The following CDKN2B-AS1 variants were observed in gnomAD, a reference collection of about 807,000 sequenced individuals.
The protein encoded by CDKN2B-AS1 is CDKN2B and CDKN2A antisense cis and trans regulatory RNA 1, also known as CDKN2B antisense RNA 1 (non-protein coding).
intron 4 of CDKN2B-AS1, among the ~76,000 whole-genome samples, chr9:22,106,559 A>C (rs1330381994): frequency 6.6e-6 from 1 of 152,292 alleles, no homozygotes; most frequent in East Asian, 1.9e-4. Context: ...TATTTGTAAA[A>C]TGAAGGTACT....
chr9:22,072,725 G>C (rs1824346234), intron 4 of CDKN2B-AS1, among the ~76,000 whole-genome samples: 1 of 152,200 alleles, frequency 6.6e-6, no homozygotes, highest in Non-Finnish European at 1.5e-5. Flanking sequence ...GCACAAGGCA[G>C]CCTAACTTGT....
intron 4 of CDKN2B-AS1, among the ~76,000 whole-genome samples, chr9:22,114,054 A>G (rs893575882): frequency 1.3e-5 from 2 of 152,182 alleles, no homozygotes; most frequent in East Asian, 1.9e-4. Flanking sequence ...ACTGATATAC[A>G]TGGTACCAAA....
intron 1 of CDKN2B-AS1, among the ~76,000 whole-genome samples, chr9:22,020,395 T>A (rs778230745): frequency 3.9e-5 from 6 of 152,238 alleles, no homozygotes; most frequent in Non-Finnish European, 8.8e-5. Context: ...GTATACCCAG[T>A]AATGGGATTG....
chr9:22,059,703 C>T (rs1194766488), intron 4 of CDKN2B-AS1, among the ~76,000 whole-genome samples: 1 of 152,258 alleles, frequency 6.6e-6, no homozygotes, highest in South Asian at 2.1e-4. Flanking sequence ...TTCTGCACTG[C>T]CCTAGCAGAG....
At chr9:22,003,533 C>T in intron 1 of CDKN2B-AS1, 1 of 228,724 alleles carries the variant, frequency 4.4e-6, no homozygotes, top group Non-Finnish European at 8.7e-6. Context: ...ATTTTATAAA[C>T]CAAATGGGAG....
In CDKN2B-AS1 at chr9:21,995,872, C is replaced by T. The variant is rs1055917344; in HGVS notation, n.29+711C>T. 6.6e-6 allele frequency: 1 copy of T among 152,302 alleles called. No individual in the cohort carries two copies. The highest frequency in any genetic ancestry group is 1.5e-5 in the Non-Finnish European group (1 of 68,084). The allele number at this position is 152,302 out of a possible 1,614,324, so 9.4% of individuals were successfully genotyped here. A position where few individuals can be genotyped will look rare whatever the true frequency, so the allele number is the denominator to read the frequency against. ...GGTGCCCCGACCCGGAGCCTGCGGTCTGCCTGGATCCGTCCTAAACCTCGC... is the reference window on the plus strand; with the variant it reads ...GGTGCCCCGACCCGGAGCCTGCGGTTTGCCTGGATCCGTCCTAAACCTCGC... On this transcript the variant is annotated intron_variant and non_coding_transcript_variant, in intron 1 of 4. Transcript: ENST00000650946. The surrounding 1 kb of genome is among the most constrained non-coding windows in gnomAD (Gnocchi z 5.7).
In CDKN2B-AS1 at chr9:22,124,292, G is replaced by T. The variant is rs572278641; in HGVS notation, n.439-2811G>T. Among the ~76,000 whole-genome samples, 28 of 152,304 alleles carry T rather than the reference G, an allele frequency of 1.8e-4. 1 individual carries two copies. In the South Asian group the frequency reaches 5.8e-3, roughly 32 times the overall value. On this transcript the variant is annotated intron_variant and non_coding_transcript_variant, in intron 4 of 4. Coordinates refer to ENST00000650946, the Ensembl canonical transcript of CDKN2B-AS1. ...TTTAAGGGCATTAAGAAAGGGATGG[G>T]TAGACAAAATGTAGAGGTAGTAGGT...
At chr9:22,023,237 T>C (rs895939316) in intron 1 of CDKN2B-AS1, among the ~76,000 whole-genome samples, 2 of 152,214 alleles carry the variant, frequency 1.3e-5, no homozygotes, top group African/African-American at 2.4e-5. Flanking sequence ...GGTTCCACTA[T>C]CTTCCATTTT....
At chr9:22,012,080 A>G in intron 1 of CDKN2B-AS1, 1 of 662,726 alleles carries the variant, frequency 1.5e-6, no homozygotes, top group Non-Finnish European at 2.7e-6. Context: ...TCTGTATATG[A>G]CCTTGATATA....
chr9:22,102,751 T>C (rs1192892653), intron 4 of CDKN2B-AS1, among the ~76,000 whole-genome samples: 1 of 152,176 alleles, frequency 6.6e-6, no homozygotes, highest in Non-Finnish European at 1.5e-5. Flanking sequence ...TCTTTTCTGC[T>C]AAGTGAGGGC....
intron 1 of CDKN2B-AS1, among the ~76,000 whole-genome samples, chr9:22,042,026 T>C (rs1822916808): frequency 6.6e-6 from 1 of 152,086 alleles, no homozygotes; most frequent in Non-Finnish European, 1.5e-5. Flanking sequence ...AAGTTTACTA[T>C]GTTTTACATG....
At chr9:22,093,010 T>A (rs924322709) in intron 4 of CDKN2B-AS1, among the ~76,000 whole-genome samples, 18 of 152,184 alleles carry the variant, frequency 1.2e-4, no homozygotes, top group Non-Finnish European at 2.1e-4. Flanking sequence ...TCCCAGAGAT[T>A]CTGGTATGTT....
At chr9:22,126,149 G>A (rs1818017043) in intron 4 of CDKN2B-AS1, among the ~76,000 whole-genome samples, 1 of 152,134 alleles carries the variant, frequency 6.6e-6, no homozygotes, top group African/African-American at 2.4e-5. Context: ...GGAAAAGGAG[G>A]GGTTGGTCTT....
intron 1 of CDKN2B-AS1, among the ~76,000 whole-genome samples, chr9:22,023,188 G>A (rs1357915158): frequency 6.6e-6 from 1 of 152,130 alleles, no homozygotes; most frequent in African/African-American, 2.4e-5. Flanking sequence ...GGATGGGGAA[G>A]TTCTCATGGA....
rs545718456 is a variant in CDKN2B-AS1 at position 22,019,826 on chromosome 9, A to G, written n.29+24665A>G. The stretch of plus-strand genomic sequence containing the variant: ...TCCTTCAGAAAAAGAATAGTAGAGT[A>G]TAAAGAATAATATTTAATCCTAGGA... On this transcript the variant is annotated intron_variant and non_coding_transcript_variant, in intron 1 of 4. Coordinates refer to ENST00000650946, the Ensembl canonical transcript of CDKN2B-AS1. Among the ~76,000 whole-genome samples, 106 of 152,318 alleles carry G rather than the reference A, an allele frequency of 7.0e-4. 1 individual carries two copies. Among genetic ancestry groups the G allele is most frequent in the African/African-American group, 2.3e-3 (94 of 41,570 alleles).
chr9:22,013,126 T>C (rs1317068031), intron 1 of CDKN2B-AS1, among the ~76,000 whole-genome samples: 1 of 152,204 alleles, frequency 6.6e-6, no homozygotes, highest in Non-Finnish European at 1.5e-5. Context: ...CTTGTGTGTG[T>C]CCAAATTTCC....
chr9:22,060,068 G>A (rs1206811496), intron 4 of CDKN2B-AS1, among the ~76,000 whole-genome samples: 2 of 152,178 alleles, frequency 1.3e-5, no homozygotes, highest in Non-Finnish European at 2.9e-5. Context: ...TCTCTGACAA[G>A]GCTTGGAGAC....
chr9:22,008,815 C>G (rs760916164), intron 1 of CDKN2B-AS1: 14 of 1,605,982 alleles, frequency 8.7e-6, no homozygotes, highest in Non-Finnish European at 1.1e-5. Flanking sequence ...GCGCGCCTCC[C>G]GAAACGGTTG....
intron 1 of CDKN2B-AS1, among the ~76,000 whole-genome samples, chr9:22,043,820 T>C (rs1333036): frequency 0.58 from 87,871 of 151,716 alleles, 26,412 homozygotes; most frequent in African/African-American, 0.7. Flanking sequence ...TATAAATATG[T>C]TACTACTAAA....
Sources: allele counts gnomAD v4.1 joint callset (sites outside exome capture counted in the v4.1 genomes callset), GRCh38; gene constraint gnomAD v4.1.1; non-coding constraint Gnocchi (gnomAD v3.1); transcripts MANE v1.5; gene names NCBI Gene and HGNC (gene_info 2026-07-23, HGNC 2026-07-21).